NSG1: variants seen among roughly 807,000 people sequenced by gnomAD.
The protein encoded by NSG1 is neuronal vesicle trafficking associated 1, also known as neuronal vesicle trafficking-associated protein 1.
In NSG1, 9 loss-of-function variants were observed where a neutral mutation model predicts 19.3. The ratio of observed to expected loss-of-function variants is 0.47; its 90% confidence interval spans 0.28 to 0.81. The LOEUF (loss-of-function observed/expected upper bound fraction) is 0.81, where lower values mean the gene tolerates loss of function less well. NSG1 is among the 40% of genes least tolerant of loss of function. The probability of loss-of-function intolerance (pLI) is 0.11; values close to 1 mark genes in which losing one functional copy is unlikely to be tolerated. For missense variants in NSG1, 236 were observed against 242.4 expected (o/e 0.97, Z 0.18); for synonymous variants, 104 against 107.0 (o/e 0.97, Z 0.17).
intron 2 of NSG1, among the ~76,000 whole-genome samples, chr4:4,390,496 C>G (rs1341482651): frequency 6.6e-6 from 1 of 152,190 alleles, no homozygotes; most frequent in Non-Finnish European, 1.5e-5. Flanking sequence ...TTTGTTCTGT[C>G]CTGGTCCCCA....
chr4:4,387,561 C>CCCGGGGGGGGGGGGG, intron 1 of NSG1, 43 bp from the exon 2 acceptor site: 3 of 1,141,980 alleles, frequency 2.6e-6, no homozygotes, highest in Non-Finnish European at 2.5e-6. Flanking sequence ...CGCCCCGCCC[C>CCCGGGGGGGGGGGGG]GGGTCTTGCT....
At position 4,418,584 on chromosome 4, in the gene NSG1, A is replaced by AAAAG. The variant is rs1724723847; in HGVS notation, c.*1151_*1154dup. 2 of 152,684 alleles carry AAAAG rather than the reference A, an allele frequency of 1.3e-5. No homozygotes were observed. Among genetic ancestry groups the AAAAG allele is most frequent in the South Asian group, 2.1e-4 (1 of 4,832 alleles). 9.5% of individuals were successfully genotyped at this position (152,684 alleles called of 1,614,324 possible). On this transcript the variant is annotated 3_prime_UTR_variant, in exon 5 of 5. Coordinates refer to ENST00000621129, the MANE Select transcript of NSG1 (RefSeq NM_014392.5). ...TGAACTAAGTGTGTAAAACAAATAG[A>AAAAG]AAAGACATTCGCAGACATTTCTTCT... is the stretch of plus-strand genomic sequence containing the variant.
Position 4,417,299 on chromosome 4 carries a change from A to C in NSG1, c.422A>C (p.Glu141Ala), listed in dbSNP as rs767411596. 6.2e-7 allele frequency: 1 copy of C among 1,614,144 alleles called. No homozygotes were observed. Among genetic ancestry groups the C allele is most frequent in the Non-Finnish European group, 8.5e-7 (1 of 1,180,044 alleles). Residue 141 changes from glutamate to alanine, a missense_variant, in exon 5 of 5, where the codon GAG (glutamate) becomes GCG (alanine). Physicochemically the swap from Glu to Ala is moderately radical, Grantham distance 107. Transcript: ENST00000621129. ...GCGGAGCAAGACTCCAGTGCCCGGG[A>C]GAAATTTTACACAGTCATAAACCAC... ...YYAEQDSSAR[E>A]KFYTVINHYN... is the part of the protein sequence containing the mutation.
rs551535859 is a variant in NSG1 at position 4,410,915 on chromosome 4, T to C, written c.357+1232T>C. 1.6e-4 allele frequency among the ~76,000 whole-genome samples: 24 copies of C among 152,344 alleles called. No individual in the cohort carries two copies. The South Asian group carries it at 5.0e-3, about 32-fold the overall frequency. ...CTCTGTTGCCCAGGCTGGAGCGCAA[T>C]GGTGCGTTCTTGACTCACTGCAACA... On this transcript the variant is annotated intron_variant, in intron 4 of 4. Transcript: ENST00000621129.
chr4:4,413,202 G>A (rs1213183581), intron 4 of NSG1, among the ~76,000 whole-genome samples: 2 of 152,050 alleles, frequency 1.3e-5, no homozygotes, highest in African/African-American at 4.8e-5. Flanking sequence ...GAGGAAGTCA[G>A]TCGTACACTG....
Position 4,398,016 on chromosome 4 carries a change from C to T in NSG1, c.246+6425C>T, listed in dbSNP as rs186326526. 3.8e-3 allele frequency among the ~76,000 whole-genome samples: 572 copies of T among 152,220 alleles called. 8 individuals carry two copies. The highest frequency in any genetic ancestry group is 5.8e-3 in the Non-Finnish European group (393 of 68,000). ...TCACCCAGGCTGGAGTGCAGTGGCA[C>T]GATCTCGGCTCACTGCAACCTCCAC... On this transcript the variant is annotated intron_variant, in intron 3 of 4. Transcript: ENST00000621129.
intron 3 of NSG1, among the ~76,000 whole-genome samples, chr4:4,408,397 G>A (rs974042297): frequency 4.6e-5 from 7 of 152,200 alleles, no homozygotes; most frequent in Admixed American, 1.3e-4. Flanking sequence ...CGGCCAGGGA[G>A]CCCCATCGCT....
At chr4:4,403,446 A>G (rs996549253) in intron 3 of NSG1, among the ~76,000 whole-genome samples, 2 of 152,052 alleles carry the variant, frequency 1.3e-5, no homozygotes, top group Non-Finnish European at 2.9e-5. Context: ...CTGTAGCGCA[A>G]TGTCTTCAAG....
chr4:4,387,665 C>T lies in NSG1; in HGVS notation c.36C>T (p.Gly12=), dbSNP rs138795649. The T allele has an allele frequency of 7.4e-6, 12 of 1,613,560 alleles. No homozygotes were observed. Among genetic ancestry groups the T allele is most frequent in the Middle Eastern group, 3.3e-4 (2 of 6,082 alleles). The change falls in exon 2 of 5, where the codon GGC becomes GGT. Residue 12 remains glycine, a synonymous_variant. Transcript: ENST00000621129. ...VKLGNNFAEK[G]TKQPLLEDGF... ...TGGGGAACAATTTCGCAGAGAAGGG[C>T]ACCAAGCAGCCGCTGCTGGAGGATG...
In NSG1 at chr4:4,418,091, C is replaced by G. The variant is rs1176076932; in HGVS notation, c.*656C>G. The G allele has an allele frequency of 6.4e-6, 1 of 155,544 alleles. No homozygotes were observed. Among genetic ancestry groups the G allele is most frequent in the African/African-American group, 2.4e-5 (1 of 41,452 alleles). 9.6% of individuals were successfully genotyped at this position (155,544 alleles called of 1,614,324 possible). ...GTAAGGAGGGAGGGGCACCACCCAT[C>G]TGGGTGGAGACAGCTGGGGTTTGCT... On this transcript the variant is annotated 3_prime_UTR_variant, in exon 5 of 5. Transcript: ENST00000621129.
chr4:4,408,938 C>T (rs1022408892), intron 3 of NSG1, among the ~76,000 whole-genome samples: 2 of 152,242 alleles, frequency 1.3e-5, no homozygotes, highest in African/African-American at 4.8e-5. Context: ...CTGTAAACAC[C>T]AGCTGAACAC....
intron 3 of NSG1, among the ~76,000 whole-genome samples, chr4:4,407,999 G>A (rs921033816): frequency 1.3e-5 from 2 of 152,092 alleles, no homozygotes; most frequent in Non-Finnish European, 2.9e-5. Context: ...CATGCTGCAC[G>A]GCTGATAGGA....
At chr4:4,411,531 G>T (rs1301224351) in intron 4 of NSG1, among the ~76,000 whole-genome samples, 1 of 152,134 alleles carries the variant, frequency 6.6e-6, no homozygotes, top group Non-Finnish European at 1.5e-5. Flanking sequence ...ATCACCTGAG[G>T]TCAGGAGTTC....
At chr4:4,398,157 C>G (rs886175892) in intron 3 of NSG1, among the ~76,000 whole-genome samples, 1 of 151,908 alleles carries the variant, frequency 6.6e-6, no homozygotes, top group Non-Finnish European at 1.5e-5. Flanking sequence ...GTTTCACTAT[C>G]TTGGCCAGGC....
intron 4 of NSG1, among the ~76,000 whole-genome samples, chr4:4,410,403 A>G (rs1170696616): frequency 6.6e-6 from 1 of 152,168 alleles, no homozygotes; most frequent in East Asian, 1.9e-4. Flanking sequence ...GTCCTGAGAA[A>G]CGCGTTGTTA....
Position 4,402,508 on chromosome 4 carries a change from C to T in NSG1, c.247-7065C>T, listed in dbSNP as rs1256528292. On this transcript the variant is annotated intron_variant, in intron 3 of 4. Coordinates refer to ENST00000621129, the MANE Select transcript of NSG1 (RefSeq NM_014392.5). ...GTTCACGCCATTCTCCTGCCTCAGC[C>T]TCCCAAGTAGCTGGGACTACAGGCG... Among the ~76,000 whole-genome samples the T allele has an allele frequency of 1.5e-4, 22 of 151,644 alleles. 1 individual carries two copies. The highest frequency in any genetic ancestry group is 5.1e-4 in the African/African-American group (21 of 41,388).
chr4:4,410,406 C>T (rs963680449), intron 4 of NSG1, among the ~76,000 whole-genome samples: 10 of 152,230 alleles, frequency 6.6e-5, no homozygotes, highest in African/African-American at 1.7e-4. Context: ...CTGAGAAACG[C>T]GTTGTTAGGC....
chr4:4,387,855 G>T (rs1041757693), intron 2 of NSG1, 97 bp downstream of exon 2: 7 of 1,036,876 alleles, frequency 6.8e-6, no homozygotes, highest in Non-Finnish European at 1.0e-5. Flanking sequence ...CGCTGGGTAC[G>T]CGAAGTGGGG....
chr4:4,396,840 G>A (rs976800114), intron 3 of NSG1, among the ~76,000 whole-genome samples: 2 of 152,026 alleles, frequency 1.3e-5, no homozygotes, highest in Non-Finnish European at 2.9e-5. Context: ...CCGTTTCCTT[G>A]GCATTCAGCA....
Sources: gnomAD v4.1 joint callset for allele counts (sites outside exome capture counted in the v4.1 genomes callset) on GRCh38, gnomAD v4.1.1 for gene constraint, MANE v1.5 for transcripts, NCBI Gene and HGNC (gene_info 2026-07-23, HGNC 2026-07-21) for gene names.